The following IQCK variants were observed in gnomAD, a reference collection of about 807,000 sequenced individuals.
IQCK encodes IQ motif containing K.
Under a neutral mutation model 28.1 loss-of-function variants are expected in IQCK, and 29 were observed. The observed-to-expected ratio is 1.03, with a 90% CI of 0.77 to 1.41. The LOEUF (loss-of-function observed/expected upper bound fraction) is 1.41, where lower values mean the gene tolerates loss of function less well. IQCK is among the 40% of genes most tolerant of loss of function. The pLI is 0.00. For missense variants in IQCK, 359 were observed against 314.7 expected (o/e 1.14, Z -1.07); for synonymous variants, 113 against 115.1 (o/e 0.98, Z 0.12).
intron 6 of IQCK, among the ~76,000 whole-genome samples, chr16:19,777,574 T>C (rs2055412492): frequency 6.6e-6 from 1 of 152,182 alleles, no homozygotes; most frequent in African/African-American, 2.4e-5. Context: ...CTTTTTATAT[T>C]CACATTCATC....
chr16:19,791,705 A>T (rs543571872), intron 7 of IQCK, among the ~76,000 whole-genome samples: 1 of 143,696 alleles, frequency 7.0e-6, no homozygotes. Context: ...CCATATAAAC[A>T]GATGTCAAAG....
chr16:19,856,643 C>G, exon 10 of IQCK: 1 of 1,008,598 alleles, frequency 9.9e-7, no homozygotes, highest in Non-Finnish European at 1.5e-6. Context: ...ATTTCTTTAA[C>G]AAGACTTGGA....
At chr16:19,840,362 TA>T (rs2056351140) in intron 9 of IQCK, among the ~76,000 whole-genome samples, 1 of 151,814 alleles carries the variant, frequency 6.6e-6, no homozygotes, top group South Asian at 2.1e-4. Flanking sequence ...TTTCAAAAAA[TA>T]ATAATAAAGA....
chr16:19,840,220 G>A (rs1409772584), intron 9 of IQCK, among the ~76,000 whole-genome samples: 2 of 152,092 alleles, frequency 1.3e-5, no homozygotes, highest in Non-Finnish European at 2.9e-5. Context: ...GCTAGGTGTG[G>A]TGGCAGGCAC....
At chr16:19,817,955 A>G (rs2056011394) in intron 7 of IQCK, among the ~76,000 whole-genome samples, 1 of 152,180 alleles carries the variant, frequency 6.6e-6, no homozygotes, top group African/African-American at 2.4e-5. Context: ...CCTTCCTTTA[A>G]TGATTCAGAA....
At position 19,825,872 on chromosome 16, in the gene IQCK, G is replaced by A. The variant is rs975951118; in HGVS notation, c.691-1154G>A. 3.3e-5 allele frequency among the ~76,000 whole-genome samples: 5 copies of A among 152,196 alleles called. No individual in the cohort carries two copies. The highest frequency in any genetic ancestry group is 1.2e-4 in the African/African-American group (5 of 41,454). ...CTGTGGTTAATGCATTAACTGTGGT[G>A]AACCTAGAACTGTGCTGTTCTATAT... On this transcript the variant is annotated intron_variant, in intron 7 of 7. Coordinates refer to ENST00000564186, the Ensembl canonical transcript of IQCK. This position sits in a 1 kb window ranked among gnomAD's most constrained non-coding sequence, Gnocchi z 4.2.
At chr16:19,736,699 T>G (rs779966147) in intron 4 of IQCK, among the ~76,000 whole-genome samples, 2 of 152,174 alleles carry the variant, frequency 1.3e-5, no homozygotes, top group Non-Finnish European at 2.9e-5. Flanking sequence ...TGCTGCATCT[T>G]CCATTATTGC....
chr16:19,809,235 C>A (rs2055871710), intron 7 of IQCK, among the ~76,000 whole-genome samples: 1 of 152,220 alleles, frequency 6.6e-6, no homozygotes, highest in South Asian at 2.1e-4. Context: ...GCAATCTAGT[C>A]CCTTCTGCTG....
At chr16:19,811,815 A>G (rs2055909152) in intron 7 of IQCK, among the ~76,000 whole-genome samples, 1 of 152,064 alleles carries the variant, frequency 6.6e-6, no homozygotes, top group Admixed American at 6.6e-5. Flanking sequence ...TGTTCCCCAA[A>G]CTTTTCAGAT....
intron 1 of IQCK, among the ~76,000 whole-genome samples, chr16:19,721,867 C>T (rs1054265925): frequency 8.5e-5 from 13 of 152,128 alleles, no homozygotes; most frequent in Non-Finnish European, 1.9e-4. Context: ...CGTGAGCCAC[C>T]GCGCCTGGCC....
At chr16:19,728,960 T>G (rs1313591090) in intron 1 of IQCK, among the ~76,000 whole-genome samples, 1 of 152,162 alleles carries the variant, frequency 6.6e-6, no homozygotes, top group African/African-American at 2.4e-5. Context: ...GCCCACAAAT[T>G]AATTTTTCCT....
At chr16:19,826,925 G>C (rs926134883) in intron 7 of IQCK, 101 bp from the exon 8 acceptor site, 1 of 755,308 alleles carries the variant, frequency 1.3e-6, no homozygotes. Flanking sequence ...AGAATCAAAA[G>C]TACATCCAAC....
chr16:19,735,681 T>G (rs1977991841), intron 4 of IQCK: 1 of 509,492 alleles, frequency 2.0e-6, no homozygotes, highest in South Asian at 2.1e-5. Flanking sequence ...TCCGCCTTGC[T>G]TGGCCTCCTG....
Position 19,758,872 on chromosome 16 carries a change from G to C in IQCK, c.475-4976G>C, listed in dbSNP as rs372434221. 9.2e-5 allele frequency among the ~76,000 whole-genome samples: 14 copies of C among 152,266 alleles called. No homozygotes were observed. The South Asian group carries it at 2.7e-3, about 29-fold the overall frequency. ...ACTCCAATAAAGGTTTCGGTAAAAA[G>C]TGTTAAGGAGAACTTTTCTTTTTGG... On this transcript the variant is annotated intron_variant, in intron 4 of 7. Transcript: ENST00000564186.
At chr16:19,741,427 A>T (rs910204224) in intron 4 of IQCK, among the ~76,000 whole-genome samples, 2 of 152,216 alleles carry the variant, frequency 1.3e-5, no homozygotes, top group African/African-American at 4.8e-5. Context: ...ATAATTTTGT[A>T]ACAAGGGGGC....
At chr16:19,735,518 C>T (rs62624481) in intron 4 of IQCK, 68 bp downstream of exon 4, 27,819 of 1,243,728 alleles carry the variant, frequency 0.022, 461 homozygotes, top group Non-Finnish European at 0.026. Flanking sequence ...GATGATAGCT[C>T]ATTATCTTGG....
At position 19,856,395 on chromosome 16, in the gene IQCK, C is replaced by T. The variant is rs1417091110; in HGVS notation, c.803-92C>T. The T allele has an allele frequency of 8.9e-6, 9 of 1,016,492 alleles. No homozygotes were observed. The East Asian group carries it at 2.0e-4, about 23-fold the overall frequency. The allele number at this position is 1,016,492 out of a possible 1,614,324, so 63.0% of individuals were successfully genotyped here. A position where few individuals can be genotyped will look rare whatever the true frequency, so the allele number is the denominator to read the frequency against. On this transcript the variant is annotated intron_variant, in intron 9 of 9. Transcript: ENST00000320394. ...GCACAGTGGGTTTTGGTGCAACTGA[C>T]CTTGTCCACACATCAGAGTTTCCGG...
At chr16:19,760,549 G>A (rs2151706617) in intron 4 of IQCK, among the ~76,000 whole-genome samples, 1 of 152,270 alleles carries the variant, frequency 6.6e-6, no homozygotes, top group African/African-American at 2.4e-5. Flanking sequence ...GTCATATTCT[G>A]AGGGCTTGGG....
chr16:19,745,694 C>T (rs192329302), intron 4 of IQCK, among the ~76,000 whole-genome samples: 35 of 152,226 alleles, frequency 2.3e-4, no homozygotes, highest in Admixed American at 1.8e-3. Flanking sequence ...CTTAAAATAA[C>T]GATTTATTAT....
Sources: allele counts gnomAD v4.1 joint callset (sites outside exome capture counted in the v4.1 genomes callset), GRCh38; gene constraint gnomAD v4.1.1; non-coding constraint Gnocchi (gnomAD v3.1); transcripts MANE v1.5; gene names NCBI Gene and HGNC (gene_info 2026-07-23, HGNC 2026-07-21).